RALA: variants seen among roughly 807,000 people sequenced by gnomAD.
RALA encodes RAS like proto-oncogene A.
A neutral mutation model predicts 24.0 loss-of-function variants in RALA; 5 were observed. The ratio of observed to expected loss-of-function variants is 0.21; its 90% CI spans 0.11 to 0.44. The LOEUF (loss-of-function observed/expected upper bound fraction) is 0.44, where lower values mean the gene tolerates loss of function less well. RALA is among the 20% of genes least tolerant of loss of function. The pLI is 0.99. For missense variants in RALA, 95 were observed against 241.2 expected (o/e 0.39, Z 4.01); for synonymous variants, 77 against 83.8 (o/e 0.92, Z 0.44).
chr7:39,625,187 CTGTT>C (rs1206618074), intron 1 of RALA, among the ~76,000 whole-genome samples: 3 of 152,142 alleles, frequency 2.0e-5, no homozygotes, highest in Non-Finnish European at 2.9e-5. Flanking sequence ...TTGGGCTAGG[CTGTT>C]TGTTTTGTTT....
At chr7:39,669,338 A>C (rs941514857) in intron 1 of RALA, among the ~76,000 whole-genome samples, 1 of 152,022 alleles carries the variant, frequency 6.6e-6, no homozygotes, top group Non-Finnish European at 1.5e-5. Flanking sequence ...CAATAAATAC[A>C]TGTTGGTGCA....
At chr7:39,646,860 A>G (rs1213379381) in intron 1 of RALA, among the ~76,000 whole-genome samples, 2 of 152,182 alleles carry the variant, frequency 1.3e-5, no homozygotes, top group East Asian at 3.8e-4. Context: ...GTTCAGTTAT[A>G]TGGTTTCCAT....
intron 1 of RALA, among the ~76,000 whole-genome samples, chr7:39,646,715 C>T (rs1360134969): frequency 6.6e-6 from 1 of 152,184 alleles, no homozygotes; most frequent in African/African-American, 2.4e-5. Flanking sequence ...TTATTCTGTT[C>T]TAGTCATTAA....
At chr7:39,684,969 G>A (rs200081672) in intron 1 of RALA, among the ~76,000 whole-genome samples, 7 of 152,100 alleles carry the variant, frequency 4.6e-5, no homozygotes, top group Non-Finnish European at 1.0e-4. Flanking sequence ...AGTGAACATG[G>A]TCCTGAACTC....
chr7:39,670,828 T>G (rs545416921), intron 1 of RALA, among the ~76,000 whole-genome samples: 10 of 152,330 alleles, frequency 6.6e-5, no homozygotes, highest in Non-Finnish European at 1.3e-4. Context: ...AAACTGCTTA[T>G]TCTTAAGCTA....
At chr7:39,679,629 A>C (rs1792551304) in intron 1 of RALA, among the ~76,000 whole-genome samples, 1 of 152,200 alleles carries the variant, frequency 6.6e-6, no homozygotes, top group African/African-American at 2.4e-5. Flanking sequence ...CTTTTTATAT[A>C]GAGAAATCAT....
intron 1 of RALA, among the ~76,000 whole-genome samples, chr7:39,674,624 C>T (rs1159514304): frequency 1.3e-5 from 2 of 152,114 alleles, no homozygotes; most frequent in Non-Finnish European, 2.9e-5. Context: ...TGCTCTGAGA[C>T]ATTAAATAGT....
At chr7:39,679,422 T>TA (rs1161763040) in intron 1 of RALA, among the ~76,000 whole-genome samples, 2 of 152,182 alleles carry the variant, frequency 1.3e-5, no homozygotes, top group Non-Finnish European at 2.9e-5. Context: ...AACATACAGT[T>TA]ATCAGTTTGG....
At chr7:39,665,349 T>C (rs1281146133) in intron 1 of RALA, among the ~76,000 whole-genome samples, 2 of 152,188 alleles carry the variant, frequency 1.3e-5, no homozygotes, top group African/African-American at 4.8e-5. Flanking sequence ...CTAGCTTACT[T>C]TATTGTCAGA....
intron 1 of RALA, among the ~76,000 whole-genome samples, chr7:39,677,295 A>G (rs978988147): frequency 4.6e-5 from 7 of 151,808 alleles, no homozygotes; most frequent in Non-Finnish European, 1.0e-4. Flanking sequence ...ATGAGTGAGA[A>G]TATGCGGTGT....
At chr7:39,636,599 T>G (rs537022137) in intron 1 of RALA, among the ~76,000 whole-genome samples, 3 of 152,346 alleles carry the variant, frequency 2.0e-5, no homozygotes, top group Non-Finnish European at 1.5e-5. Flanking sequence ...CCAGGTGGAC[T>G]TTCTTTTTGA....
intron 1 of RALA, among the ~76,000 whole-genome samples, chr7:39,633,203 A>G (rs1321482714): frequency 6.6e-6 from 1 of 152,184 alleles, no homozygotes; most frequent in Non-Finnish European, 1.5e-5. Flanking sequence ...GGATTTCTAG[A>G]TCATATAGCA....
At chr7:39,681,551 C>CT in intron 1 of RALA, among the ~76,000 whole-genome samples, 1 of 151,938 alleles carries the variant, frequency 6.6e-6, no homozygotes, top group South Asian at 2.1e-4. Context: ...AGAATTAGCT[C>CT]TTTTTTGTCT....
chr7:39,660,682 T>TA lies in RALA; in HGVS notation c.-37-25948dup, dbSNP rs1406431350. ...CAGGTTTGAACCACAATAGTTTACT[T>TA]ACGCAGATTTTTTCAATAAATATAT... On this transcript the variant is annotated intron_variant, in intron 1 of 4. Transcript: ENST00000005257. 4.6e-5 allele frequency among the ~76,000 whole-genome samples: 7 copies of TA among 152,328 alleles called. No individual in the cohort carries two copies. In the South Asian group the frequency reaches 1.2e-3, roughly 27 times the overall value.
intron 1 of RALA, among the ~76,000 whole-genome samples, chr7:39,639,262 T>TA (rs1162905550): frequency 6.6e-6 from 1 of 152,220 alleles, no homozygotes; most frequent in East Asian, 1.9e-4. Flanking sequence ...GAAAGATTGA[T>TA]ACAAACAAGT....
At chr7:39,655,030 T>C (rs1792073690) in intron 1 of RALA, among the ~76,000 whole-genome samples, 1 of 152,236 alleles carries the variant, frequency 6.6e-6, no homozygotes, top group Admixed American at 6.5e-5. Flanking sequence ...ATTATAGTCA[T>C]GAGCCACCAC....
chr7:39,669,215 CT>C (rs1457461113), intron 1 of RALA, among the ~76,000 whole-genome samples: 2 of 152,184 alleles, frequency 1.3e-5, no homozygotes, highest in East Asian at 3.8e-4. Flanking sequence ...TTCCCTCCCC[CT>C]CTTGCTCCAT....
At chr7:39,624,209 C>G (rs968851187) in intron 1 of RALA, 11 of 152,300 alleles carry the variant, frequency 7.2e-5, no homozygotes, top group Non-Finnish European at 1.5e-4. Flanking sequence ...CTCCACCCCT[C>G]TCCCCTCCTT....
At chr7:39,646,465 T>A (rs559646561) in intron 1 of RALA, among the ~76,000 whole-genome samples, 33 of 152,024 alleles carry the variant, frequency 2.2e-4, no homozygotes, top group Admixed American at 1.2e-3. Flanking sequence ...ATACAAAAAA[T>A]TTTTTTAAAT....
Sources: allele counts gnomAD v4.1 joint callset (sites outside exome capture counted in the v4.1 genomes callset), GRCh38; gene constraint gnomAD v4.1.1; transcripts MANE v1.5; gene names NCBI Gene and HGNC (gene_info 2026-07-23, HGNC 2026-07-21).